PDE4D: variants seen among roughly 807,000 people sequenced by gnomAD.
PDE4D encodes the protein 3',5'-cyclic-AMP phosphodiesterase 4D.
In PDE4D, 24 loss-of-function variants were observed where a neutral mutation model predicts 87.4. The observed-to-expected ratio is 0.27, with a 90% CI of 0.20 to 0.39. The LOEUF (loss-of-function observed/expected upper bound fraction) is 0.39, where lower values mean the gene tolerates loss of function less well. PDE4D is among the 10% of genes least tolerant of loss of function. The pLI, the probability that PDE4D is intolerant of heterozygous loss-of-function variation, is 1.00. For missense variants in PDE4D, 714 were observed against 1,041.0 expected (o/e 0.69, Z 4.32); for synonymous variants, 384 against 383.2 (o/e 1.00, Z -0.02).
chr5:59,602,470 C>T (rs371184703), intron 1 of PDE4D, among the ~76,000 whole-genome samples: 1 of 151,890 alleles, frequency 6.6e-6, no homozygotes, highest in East Asian at 1.9e-4. Context: ...AGCGAACTAT[C>T]TGAAAAAGAA....
At chr5:60,014,413 C>T (rs1765326834) in intron 2 of PDE4D, among the ~76,000 whole-genome samples, 1 of 152,144 alleles carries the variant, frequency 6.6e-6, no homozygotes, top group Non-Finnish European at 1.5e-5. Context: ...TCATTCTCAA[C>T]CCCTCCAGAT....
intron 1 of PDE4D, among the ~76,000 whole-genome samples, chr5:60,498,997 T>C (rs16878165): frequency 0.12 from 18,747 of 152,232 alleles, 1,979 homozygotes; most frequent in African/African-American, 0.29. Flanking sequence ...CTCTATAAAA[T>C]CCTGCATCAT....
rs145537483 is a variant in PDE4D, at chr5:60,011,409, A to C, written c.43-22692T>G. Among the ~76,000 whole-genome samples the C allele has an allele frequency of 4.3e-3, 659 of 152,226 alleles. 2 individuals are homozygous for C. The highest frequency in any genetic ancestry group is 0.015 in the African/African-American group (630 of 41,546). ...CCTAGACTGTTACTAGATGAGAACA[A>C]ATAATACTTGGCAAAAACGAGAAGT... is the stretch of plus-strand genomic sequence containing the variant. On this transcript the variant is annotated intron_variant, in intron 2 of 16. Transcript: ENST00000502484.
chr5:59,144,651 A>G (rs1778349144), intron 5 of PDE4D, among the ~76,000 whole-genome samples: 1 of 152,212 alleles, frequency 6.6e-6, no homozygotes, highest in Non-Finnish European at 1.5e-5. Context: ...TGTAGTTTAT[A>G]TCTAAGCCCC....
intron 3 of PDE4D, among the ~76,000 whole-genome samples, chr5:59,909,527 C>A (rs575208501): frequency 6.6e-6 from 1 of 152,014 alleles, no homozygotes; most frequent in African/African-American, 2.4e-5. Context: ...TCCCGAGCAG[C>A]GGGATTACAG....
intron 1 of PDE4D, among the ~76,000 whole-genome samples, chr5:59,340,022 C>T (rs192414286): frequency 6.6e-6 from 1 of 151,092 alleles, no homozygotes; most frequent in Admixed American, 6.6e-5. Context: ...GTCTTCTCAC[C>T]CTCTCTGGAA....
intron 1 of PDE4D, among the ~76,000 whole-genome samples, chr5:59,225,263 C>A (rs960652966): frequency 4.6e-5 from 7 of 152,106 alleles, no homozygotes; most frequent in African/African-American, 1.4e-4. Flanking sequence ...CCATTCAAGA[C>A]TTTTCTTCAT....
At chr5:59,254,815 C>T (rs1024797469) in intron 1 of PDE4D, among the ~76,000 whole-genome samples, 4 of 152,076 alleles carry the variant, frequency 2.6e-5, no homozygotes, top group Non-Finnish European at 2.9e-5. Context: ...TAAGTGCATA[C>T]GCAGAAAGAT....
At chr5:59,402,066 TGA>T (rs1790740709) in intron 1 of PDE4D, among the ~76,000 whole-genome samples, 1 of 152,222 alleles carries the variant, frequency 6.6e-6, no homozygotes, top group South Asian at 2.1e-4. Flanking sequence ...ATGATAATTC[TGA>T]GAGACAAGAT....
chr5:59,102,902 TAA>T (rs1771003772), intron 5 of PDE4D, among the ~76,000 whole-genome samples: 1 of 152,178 alleles, frequency 6.6e-6, no homozygotes, highest in Non-Finnish European at 1.5e-5. Context: ...GCATAACACT[TAA>T]CAGCCGAATG....
At chr5:59,100,715 A>T (rs1052746021) in intron 5 of PDE4D, among the ~76,000 whole-genome samples, 1 of 152,322 alleles carries the variant, frequency 6.6e-6, no homozygotes, top group African/African-American at 2.4e-5. Context: ...ACTGCTTGTC[A>T]TACTACATCT....
Position 60,353,033 on chromosome 5 carries a change from A to C in PDE4D, c.-90+134909T>G, listed in dbSNP as rs774071609. On this transcript the variant is annotated intron_variant, in intron 1 of 16. Coordinates refer to the PDE4D transcript ENST00000502484. The stretch of plus-strand genomic sequence containing the variant: ...TTAAGAAGAAAAACATTTAAGACAT[A>C]TAATTAAATGGCTTAGAGAATCACT... Among the ~76,000 whole-genome samples, 133 of 152,314 alleles carry C rather than the reference A, an allele frequency of 8.7e-4. 1 individual carries two copies. Among genetic ancestry groups the C allele is most frequent in the Middle Eastern group, 3.4e-3 (1 of 294 alleles).
intron 1 of PDE4D, among the ~76,000 whole-genome samples, chr5:59,715,737 G>A (rs1385926797): frequency 5.3e-5 from 8 of 152,206 alleles, no homozygotes; most frequent in African/African-American, 1.2e-4. Context: ...GGATGGAAAC[G>A]GATGGTAACC....
intron 1 of PDE4D, among the ~76,000 whole-genome samples, chr5:59,243,321 C>T (rs1758054707): frequency 6.6e-6 from 1 of 151,706 alleles, no homozygotes; most frequent in East Asian, 1.9e-4. Flanking sequence ...CTCAATTTCC[C>T]ATTTGTAAAA....
chr5:59,620,373 A>C (rs114935089), intron 1 of PDE4D, among the ~76,000 whole-genome samples: 468 of 152,328 alleles, frequency 3.1e-3, no homozygotes, highest in African/African-American at 0.011. Flanking sequence ...ATGAAGGGTT[A>C]GCAAGAAAGC....
At chr5:59,656,564 C>T (rs1744395167) in intron 1 of PDE4D, among the ~76,000 whole-genome samples, 1 of 152,150 alleles carries the variant, frequency 6.6e-6, no homozygotes, top group South Asian at 2.1e-4. Context: ...AGTAGGGGTC[C>T]CTATCTCAAA....
intron 1 of PDE4D, among the ~76,000 whole-genome samples, chr5:60,448,228 T>C (rs1050838079): frequency 2.6e-5 from 4 of 152,134 alleles, no homozygotes; most frequent in Admixed American, 2.0e-4. Flanking sequence ...ATCCTCTCCA[T>C]ACATTAAACC....
chr5:58,988,826 G>C (rs917951719), intron 10 of PDE4D, among the ~76,000 whole-genome samples: 2 of 151,690 alleles, frequency 1.3e-5, no homozygotes, highest in Non-Finnish European at 1.5e-5. Context: ...TCCATTCACT[G>C]TATTTTTTAA....
chr5:59,325,244 A>G (rs1453026303), intron 1 of PDE4D, among the ~76,000 whole-genome samples: 3 of 152,162 alleles, frequency 2.0e-5, no homozygotes, highest in Non-Finnish European at 4.4e-5. Context: ...GGGGAAACCT[A>G]ACAACATATT....
Sources: gnomAD v4.1 joint callset for allele counts (sites outside exome capture counted in the v4.1 genomes callset) on GRCh38, gnomAD v4.1.1 for gene constraint, MANE v1.5 for transcripts, NCBI Gene and HGNC (gene_info 2026-07-23, HGNC 2026-07-21) for gene names.